XPR1: variants seen among roughly 807,000 people sequenced by gnomAD.
XPR1 encodes solute carrier family 53 member 1.
In XPR1, 28 loss-of-function variants were observed where a neutral mutation model predicts 87.5. The observed-to-expected ratio is 0.32, with a 90% CI of 0.24 to 0.44. The LOEUF (loss-of-function observed/expected upper bound fraction) is 0.44, where lower values mean the gene tolerates loss of function less well. XPR1 is among the 20% of genes least tolerant of loss of function. The probability of loss-of-function intolerance (pLI) is 1.00; values close to 1 mark genes in which losing one functional copy is unlikely to be tolerated. For missense variants in XPR1, 559 were observed against 862.3 expected, an observed-to-expected ratio of 0.65 and a Z score of 4.41; for synonymous variants, 300 against 306.1, an observed-to-expected ratio of 0.98 and a Z score of 0.21.
At chr1:180,637,068 A>AACAGG (rs1553231123) in intron 1 of XPR1, among the ~76,000 whole-genome samples, 3 of 130,494 alleles carry the variant, frequency 2.3e-5, no homozygotes, top group African/African-American at 1.1e-4. Flanking sequence ...AAAAAAAAAA[A>AACAGG]AAAGGAAAAG....
intron 2 of XPR1, among the ~76,000 whole-genome samples, chr1:180,720,019 T>C (rs567972647): frequency 1.2e-4 from 18 of 151,272 alleles, no homozygotes; most frequent in Non-Finnish European, 2.2e-4. Context: ...ATCTTTCTAA[T>C]TTTTTTTTCT....
At chr1:180,800,854 C>T (rs1023897892) in intron 3 of XPR1, among the ~76,000 whole-genome samples, 3 of 152,156 alleles carry the variant, frequency 2.0e-5, no homozygotes, top group African/African-American at 7.2e-5. Flanking sequence ...CCACTTCAGT[C>T]AGGGGTCTTG....
chr1:180,653,030 A>C (rs1655345143), intron 1 of XPR1, among the ~76,000 whole-genome samples: 1 of 152,190 alleles, frequency 6.6e-6, no homozygotes, highest in Non-Finnish European at 1.5e-5. Context: ...AAAAGGCCTC[A>C]GTTCTTCACC....
intron 11 of XPR1, among the ~76,000 whole-genome samples, chr1:180,843,876 C>A (rs1651595458): frequency 1.3e-5 from 2 of 152,164 alleles, no homozygotes; most frequent in Admixed American, 6.6e-5. Context: ...AAAGTCTCTA[C>A]TATTTTATTG....
chr1:180,696,208 G>GTGTGTATATATA (rs1241189679), intron 2 of XPR1, among the ~76,000 whole-genome samples: 2 of 88,566 alleles, frequency 2.3e-5, no homozygotes, highest in African/African-American at 3.7e-5. Context: ...GTGTGTGTGT[G>GTGTGTATATATA]TATATATATA....
chr1:180,755,217 C>G (rs1647687248), intron 2 of XPR1, among the ~76,000 whole-genome samples: 1 of 152,068 alleles, frequency 6.6e-6, no homozygotes, highest in African/African-American at 2.4e-5. Context: ...AATCGACATC[C>G]CAATAACAGT....
intron 2 of XPR1, among the ~76,000 whole-genome samples, chr1:180,760,239 A>G (rs140180450): frequency 0.034 from 5,201 of 152,300 alleles, 116 homozygotes; most frequent in Non-Finnish European, 0.054. Context: ...CTCCTATTCA[A>G]CATAGTGTTG....
chr1:180,712,301 A>C (rs1014697215), intron 2 of XPR1, among the ~76,000 whole-genome samples: 28 of 152,216 alleles, frequency 1.8e-4, no homozygotes, highest in African/African-American at 6.8e-4. Context: ...AAAGGGTGTT[A>C]GTGTTGTTCC....
intron 7 of XPR1, among the ~76,000 whole-genome samples, chr1:180,823,113 C>A (rs560499156): frequency 4.6e-5 from 7 of 152,072 alleles, no homozygotes; most frequent in Admixed American, 2.0e-4. Flanking sequence ...TGGCGTCACG[C>A]ATCTGTAATC....
rs568865136 is a variant in XPR1 at position 180,684,833 on chromosome 1, G to C, written c.121+2422G>C. Among the ~76,000 whole-genome samples, 49 of 152,280 alleles carry C rather than the reference G, an allele frequency of 3.2e-4. No individual in the cohort carries two copies. The South Asian group carries it at 1.0e-2, about 31-fold the overall frequency. On this transcript the variant is annotated intron_variant, in intron 2 of 14. Transcript: ENST00000367590. ...ACAATGCTTGTGATTTTTGTACATT[G>C]ATTCTGTATCCTGAGACTTTGCTGA... is the stretch of plus-strand genomic sequence containing the variant.
chr1:180,784,416 C>A (rs951460595), intron 2 of XPR1, among the ~76,000 whole-genome samples: 3 of 151,882 alleles, frequency 2.0e-5, no homozygotes, highest in Non-Finnish European at 2.9e-5. Flanking sequence ...AATCAAATAT[C>A]TTTTTAATAT....
chr1:180,656,430 T>TACATTATATATA (rs1196138446), intron 1 of XPR1, among the ~76,000 whole-genome samples: 8 of 47,334 alleles, frequency 1.7e-4, no homozygotes, highest in African/African-American at 6.5e-4. Context: ...TAAATATTTA[T>TACATTATATATA]ATATTTATAT....
At position 180,685,417 on chromosome 1, in the gene XPR1, T is replaced by C. The variant is rs183056191; in HGVS notation, c.121+3006T>C. Among the ~76,000 whole-genome samples the C allele has an allele frequency of 3.2e-3, 489 of 152,342 alleles. 4 individuals are homozygous for C. The highest frequency in any genetic ancestry group is 0.011 in the African/African-American group (454 of 41,582). ...ATTTTATTGAGGATTTTTGCATCGA[T>C]GTTCATGAAGGATATTGGTCTAAAA... is the stretch of plus-strand genomic sequence containing the variant. On this transcript the variant is annotated intron_variant, in intron 2 of 14. Transcript: ENST00000367590.
At chr1:180,849,685 C>G (rs1300393919) in intron 11 of XPR1, among the ~76,000 whole-genome samples, 2 of 152,186 alleles carry the variant, frequency 1.3e-5, no homozygotes, top group Non-Finnish European at 2.9e-5. Context: ...ATGAATGGTA[C>G]ATAGGCAATA....
chr1:180,804,102 C>T (rs1242838249), intron 4 of XPR1, among the ~76,000 whole-genome samples: 2 of 152,020 alleles, frequency 1.3e-5, no homozygotes, highest in Non-Finnish European at 2.9e-5. Flanking sequence ...TCTCCTACCT[C>T]GGCCTCCTGA....
chr1:180,752,016 A>G (rs1647554189), intron 2 of XPR1, among the ~76,000 whole-genome samples: 1 of 152,192 alleles, frequency 6.6e-6, no homozygotes, highest in Non-Finnish European at 1.5e-5. Context: ...AAATACCAAT[A>G]TAATGATATC....
chr1:180,840,603 T>A (rs1651475693), intron 11 of XPR1, among the ~76,000 whole-genome samples: 1 of 135,630 alleles, frequency 7.4e-6, no homozygotes, highest in African/African-American at 2.6e-5. Flanking sequence ...CTGGACAAAA[T>A]TTTTTGCCCA....
intron 6 of XPR1, among the ~76,000 whole-genome samples, chr1:180,810,777 G>GTA (rs961494562): frequency 1.4e-4 from 21 of 151,014 alleles, no homozygotes; most frequent in East Asian, 5.8e-4. Context: ...AAACTCATAT[G>GTA]TATATATATA....
At chr1:180,664,021 C>T (rs12093183) in intron 1 of XPR1, among the ~76,000 whole-genome samples, 1,930 of 152,234 alleles carry the variant, frequency 0.013, 31 homozygotes, top group African/African-American at 0.044. Context: ...CTGGGACTCA[C>T]GCTTCAGGTC....
Sources: gnomAD v4.1 joint callset for allele counts (sites outside exome capture counted in the v4.1 genomes callset) on GRCh38, gnomAD v4.1.1 for gene constraint, MANE v1.5 for transcripts, NCBI Gene and HGNC (gene_info 2026-07-23, HGNC 2026-07-21) for gene names.